Variants in ZXDC observed in about 807,000 individuals in gnomAD.
ZXDC encodes the protein ZXD family zinc finger C, also known as zinc finger protein ZXDC.
In ZXDC, 58 loss-of-function variants were observed where a neutral mutation model predicts 63.6. The observed-to-expected ratio is 0.91, with a 90% CI of 0.74 to 1.13. The LOEUF is 1.13. ZXDC is among the 50% of genes most tolerant of loss of function. The pLI, the probability that ZXDC is intolerant of heterozygous loss-of-function variation, is 0.00. For synonymous variants in ZXDC, 561 were observed against 496.1 expected (o/e 1.13, Z -1.74); for missense variants, 1,133 against 1,148.9 (o/e 0.99, Z 0.20).
At chr3:126,440,974 C>T (rs545606739) in intron 8 of ZXDC, 15 of 985,670 alleles carry the variant, frequency 1.5e-5, no homozygotes, top group South Asian at 1.4e-4. Context: ...GGCCTGCAAC[C>T]GCATCCCCTG....
chr3:126,455,124 A>C (rs926004786), intron 7 of ZXDC: 4 of 984,666 alleles, frequency 4.1e-6, no homozygotes, highest in African/African-American at 3.5e-5. Context: ...CTCAATCACA[A>C]ATGTTGAAAC....
At chr3:126,465,915 C>T (rs1267576193) in intron 5 of ZXDC, among the ~76,000 whole-genome samples, 2 of 152,028 alleles carry the variant, frequency 1.3e-5, no homozygotes, top group Non-Finnish European at 2.9e-5. Context: ...CACCACTGCA[C>T]TCCAGTCAGG....
intron 7 of ZXDC, among the ~76,000 whole-genome samples, chr3:126,448,286 A>T (rs921613902): frequency 6.6e-6 from 1 of 152,224 alleles, no homozygotes; most frequent in Non-Finnish European, 1.5e-5. Context: ...TATGTACTGT[A>T]TCTTCACCAC....
chr3:126,463,833 T>C (rs185664474), intron 5 of ZXDC, among the ~76,000 whole-genome samples: 110 of 152,342 alleles, frequency 7.2e-4, no homozygotes, highest in South Asian at 5.6e-3. Flanking sequence ...ATATTTTTAA[T>C]AATGCAAATC....
At chr3:126,458,322 T>C (rs969744498) in intron 7 of ZXDC, among the ~76,000 whole-genome samples, 3 of 151,440 alleles carry the variant, frequency 2.0e-5, no homozygotes, top group Non-Finnish European at 4.4e-5. Flanking sequence ...CTGCAACCTC[T>C]GCCTCCTGGG....
chr3:126,466,207 G>A lies in ZXDC; in HGVS notation c.1389C>T (p.Thr463=). Residue 463 remains threonine (T), a synonymous_variant, in exon 5 of 10, where the codon ACC becomes ACT. Transcript: ENST00000389709. ...CPVSTCNRLF[T]SKHSMKAHMV... ...TGTGCGCCTTCATGCTGTGCTTGGA[G>A]GTGAAGAGTCTGTTGCAGGTAGAAA... is the stretch of plus-strand genomic sequence containing the variant. 1 of 1,614,252 alleles carries A rather than the reference G, an allele frequency of 6.2e-7. No individual in the cohort carries two copies. The highest frequency in any genetic ancestry group is 8.5e-7 in the Non-Finnish European group (1 of 1,180,050).
At chr3:126,459,220 G>C in intron 7 of ZXDC, 2 of 985,184 alleles carry the variant, frequency 2.0e-6, no homozygotes, top group Non-Finnish European at 2.4e-6. Flanking sequence ...ACATAACTCT[G>C]ACAATGCCAC....
intron 7 of ZXDC, chr3:126,459,272 G>C (rs1020077002): frequency 3.1e-5 from 31 of 985,296 alleles, no homozygotes; most frequent in Non-Finnish European, 3.7e-5. Context: ...CCTGGGGACA[G>C]TGGCAGTCCC....
intron 1 of ZXDC, among the ~76,000 whole-genome samples, 169 bp from the exon 2 acceptor site, chr3:126,472,474 A>G (rs1576694293): frequency 6.6e-6 from 1 of 152,192 alleles, no homozygotes; most frequent in Admixed American, 6.5e-5. Flanking sequence ...CTTTGTGATC[A>G]CCACAGGAAG....
rs755054639 is a variant in ZXDC, at chr3:126,462,231, AAG to A, written c.1442-13_1442-12del. The A allele has an allele frequency of 7.6e-6, 12 of 1,578,598 alleles. No homozygotes were observed. Among genetic ancestry groups the A allele is most frequent in the Non-Finnish European group, 1.0e-5 (12 of 1,168,380 alleles). ...GCTGAGGTAAGAGATCTGAAAAAAA[AAG>A]GAATACACTCTGGTTACTTTATGAC... On this transcript the variant is annotated splice_polypyrimidine_tract_variant and intron_variant, in intron 5 of 9. Transcript: ENST00000389709.
chr3:126,455,754 T>C (rs985284344), intron 7 of ZXDC, among the ~76,000 whole-genome samples: 1 of 152,046 alleles, frequency 6.6e-6, no homozygotes, highest in South Asian at 2.1e-4. Context: ...TCCCAGCACT[T>C]TGGGAGGCCG....
intron 6 of ZXDC, chr3:126,460,811 A>G: frequency 2.0e-6 from 2 of 984,390 alleles, no homozygotes; most frequent in Non-Finnish European, 2.4e-6. Flanking sequence ...CAAAAGATGT[A>G]ACATTTTTTA....
At chr3:126,456,476 TG>T (rs1048204666) in intron 7 of ZXDC, among the ~76,000 whole-genome samples, 1 of 152,116 alleles carries the variant, frequency 6.6e-6, no homozygotes, top group Admixed American at 6.5e-5. Flanking sequence ...TGGGCTTCCC[TG>T]GGGGGCAATG....
At chr3:126,460,651 C>G in intron 6 of ZXDC, 1 of 985,366 alleles carries the variant, frequency 1.0e-6, no homozygotes, top group Non-Finnish European at 1.2e-6. Flanking sequence ...CTATGGCCGC[C>G]TAAGCAAATG....
chr3:126,458,236 A>G (rs1576676373), intron 7 of ZXDC, among the ~76,000 whole-genome samples: 1 of 87,906 alleles, frequency 1.1e-5, no homozygotes, highest in Non-Finnish European at 2.0e-5. Context: ...TAATGTCCTT[A>G]CTTTTTTTTT....
chr3:126,459,825 C>G (rs1934452023), intron 6 of ZXDC, 88 bp from the exon 7 acceptor site: 1 of 1,605,510 alleles, frequency 6.2e-7, no homozygotes, highest in Non-Finnish European at 8.5e-7. Flanking sequence ...AAGCCTGCTT[C>G]TGGGACATAT....
At chr3:126,450,821 G>C (rs1249417546) in intron 7 of ZXDC, among the ~76,000 whole-genome samples, 4 of 152,182 alleles carry the variant, frequency 2.6e-5, no homozygotes, top group Non-Finnish European at 4.4e-5. Flanking sequence ...GAACACTCCA[G>C]TGTGTGTGTG....
intron 5 of ZXDC, among the ~76,000 whole-genome samples, chr3:126,462,660 G>A (rs2107649346): frequency 6.6e-6 from 1 of 152,278 alleles, no homozygotes; most frequent in South Asian, 2.1e-4. Flanking sequence ...TTTCCACTCA[G>A]CTGCCAGTTG....
intron 7 of ZXDC, chr3:126,443,261 C>T (rs1933749877): frequency 1.3e-5 from 2 of 152,222 alleles, no homozygotes; most frequent in African/African-American, 4.8e-5. Flanking sequence ...TCCAGAAAAC[C>T]CAGCAACCCT....
Sources: allele counts gnomAD v4.1 joint callset (sites outside exome capture counted in the v4.1 genomes callset), GRCh38; gene constraint gnomAD v4.1.1; transcripts MANE v1.5; gene names NCBI Gene and HGNC (gene_info 2026-07-23, HGNC 2026-07-21).